Variants in TSGA10IP observed in about 807,000 individuals in gnomAD.
TSGA10IP encodes testis specific 10 interacting protein, also known as testis-specific protein 10-interacting protein.
In TSGA10IP, 64 loss-of-function variants were observed where a neutral mutation model predicts 63.2. The ratio of observed to expected loss-of-function variants is 1.01; its 90% confidence interval spans 0.83 to 1.25. The LOEUF (loss-of-function observed/expected upper bound fraction) is 1.25. TSGA10IP is among the 50% of genes most tolerant of loss of function. The pLI is 0.00. For missense variants in TSGA10IP, 681 were observed against 710.1 expected (o/e 0.96, Z 0.47); for synonymous variants, 316 against 298.3 (o/e 1.06, Z -0.61).
chr11:65,949,246 C>G (rs954234909), intron 4 of TSGA10IP, among the ~76,000 whole-genome samples: 5 of 152,090 alleles, frequency 3.3e-5, no homozygotes, highest in Non-Finnish European at 7.4e-5. Context: ...AGACTGGAGG[C>G]TGTGAGGAGA....
At chr11:65,955,897 C>G (rs1855016006) in intron 5 of TSGA10IP, among the ~76,000 whole-genome samples, 1 of 152,202 alleles carries the variant, frequency 6.6e-6, no homozygotes, top group Non-Finnish European at 1.5e-5. Context: ...AGACGAAAGG[C>G]ACCAGGACCT....
intron 5 of TSGA10IP, among the ~76,000 whole-genome samples, chr11:65,956,167 C>T (rs140057489): frequency 0.029 from 4,053 of 139,520 alleles, 207 homozygotes; most frequent in African/African-American, 0.11. Context: ...GACAGAGTTT[C>T]GCTCTTGTTG....
At chr11:65,948,191 A>G (rs1444637357) in intron 4 of TSGA10IP, 43 bp downstream of exon 4, 12 of 1,567,704 alleles carry the variant, frequency 7.7e-6, no homozygotes, top group Non-Finnish European at 1.0e-5. Flanking sequence ...AATGAGAAGT[A>G]GAGATGGAGC....
At chr11:65,953,695 G>C (rs1427848934) in exon 5 of TSGA10IP, 1 of 1,581,384 alleles carries the variant, frequency 6.3e-7, no homozygotes, top group East Asian at 2.3e-5. Context: ...CCCAGAGGGA[G>C]CCGGGGCCCT....
At chr11:65,951,903 G>A (rs1447756889) in intron 4 of TSGA10IP, among the ~76,000 whole-genome samples, 2 of 150,562 alleles carry the variant, frequency 1.3e-5, no homozygotes, top group Non-Finnish European at 2.9e-5. Context: ...AGGATGGAGT[G>A]CAGTGGCATA....
rs115383949 is a variant in TSGA10IP at position 65,955,473 on chromosome 11, C to T, written c.1322+1736C>T. 7.1e-3 allele frequency among the ~76,000 whole-genome samples: 1,075 copies of T among 152,088 alleles called. 11 individuals are homozygous for T. Among genetic ancestry groups the T allele is most frequent in the African/African-American group, 0.024 (1,016 of 41,480 alleles). ...AATATATATACAAAAATTAGCTGGGCGTAGTGGCGCGCGACTGTAGTCCCA... is the reference window on the plus strand; with the variant it reads ...AATATATATACAAAAATTAGCTGGGTGTAGTGGCGCGCGACTGTAGTCCCA... On this transcript the variant is annotated intron_variant, in intron 5 of 7. Coordinates refer to ENST00000532620, the Ensembl canonical transcript of TSGA10IP.
intron 4 of TSGA10IP, among the ~76,000 whole-genome samples, chr11:65,949,704 T>G (rs1854910129): frequency 6.7e-6 from 1 of 150,144 alleles, no homozygotes; most frequent in East Asian, 2.0e-4. Flanking sequence ...CATGAGCCAC[T>G]GCGCCCAGCC....
At position 65,956,919 on chromosome 11, in the gene TSGA10IP, T is replaced by C. The variant is rs1855034135; in HGVS notation, c.1323-1964T>C. ...AAAAAGAGTGATTCAACCTCACTCC[T>C]TTTACTTTCTATTTGAGAGGGCTAA... On this transcript the variant is annotated intron_variant, in intron 5 of 7. Coordinates refer to ENST00000532620, the Ensembl canonical transcript of TSGA10IP. Among the ~76,000 whole-genome samples the C allele has an allele frequency of 2.0e-5, 3 of 152,292 alleles. No homozygotes were observed. In the South Asian group the frequency reaches 6.2e-4, roughly 32 times the overall value.
At chr11:65,949,374 G>A (rs896081798) in intron 4 of TSGA10IP, among the ~76,000 whole-genome samples, 1 of 151,950 alleles carries the variant, frequency 6.6e-6, no homozygotes, top group Non-Finnish European at 1.5e-5. Context: ...CAGGAGGCAT[G>A]TGAGGGCAGG....
intron 4 of TSGA10IP, among the ~76,000 whole-genome samples, chr11:65,952,112 C>T (rs1854953713): frequency 6.6e-6 from 1 of 152,162 alleles, no homozygotes; most frequent in South Asian, 2.1e-4. Context: ...CCTTGGCCTC[C>T]CAAAGTGCTG....
chr11:65,950,394 T>A (rs1032100307), intron 4 of TSGA10IP, among the ~76,000 whole-genome samples: 4 of 151,762 alleles, frequency 2.6e-5, no homozygotes, highest in Non-Finnish European at 4.4e-5. Context: ...TTGACTTTAT[T>A]TATTTATTTA....
At chr11:65,950,411 T>C (rs1854924034) in intron 4 of TSGA10IP, among the ~76,000 whole-genome samples, 1 of 152,000 alleles carries the variant, frequency 6.6e-6, no homozygotes, top group African/African-American at 2.4e-5. Flanking sequence ...TTTATTTATT[T>C]AGAGACAGGG....
rs1565305405 is a variant in TSGA10IP at position 65,947,363 on chromosome 11, G to GGT, written c.541_542dup (p.Ile183ProfsTer9). 2.5e-6 allele frequency: 4 copies of GGT among 1,611,706 alleles called. No homozygotes were observed. The highest frequency in any genetic ancestry group is 2.2e-5 in the South Asian group (2 of 90,768). On this transcript the variant is annotated frameshift_variant, in exon 3 of 8. Transcript: ENST00000532620. LOFTEE classifies it high-confidence loss of function. ...GAGACAGCAGCTGGGAGCCTGGGGC[G>GGT]GTGTCTCCATCCCTACTGGCAAAGG... is the stretch of plus-strand genomic sequence containing the variant.
chr11:65,958,771 G>C (rs1855066507), intron 5 of TSGA10IP, 112 bp from the exon 6 acceptor site: 4 of 816,168 alleles, frequency 4.9e-6, no homozygotes, highest in Non-Finnish European at 7.8e-6. Flanking sequence ...GCTTTGTAAA[G>C]GTGAGGGTGA....
At chr11:65,959,930 G>A (rs756544399) in exon 8 of TSGA10IP, 10 of 1,613,384 alleles carry the variant, frequency 6.2e-6, no homozygotes, top group South Asian at 4.4e-5. Flanking sequence ...GACCCGGAGT[G>A]CAGTCCCTGA....
At chr11:65,955,581 C>G (rs529073443) in intron 5 of TSGA10IP, among the ~76,000 whole-genome samples, 1 of 151,912 alleles carries the variant, frequency 6.6e-6, no homozygotes, top group African/African-American at 2.4e-5. Context: ...CCATTGCACT[C>G]CAGCCTGGGT....
chr11:65,946,056 G>A (rs1385796616), intron 1 of TSGA10IP, among the ~76,000 whole-genome samples: 1 of 152,202 alleles, frequency 6.6e-6, no homozygotes, highest in Non-Finnish European at 1.5e-5. Flanking sequence ...GGAACACTGC[G>A]GAAGGAGCAG....
intron 5 of TSGA10IP, 33 bp downstream of exon 5, chr11:65,953,770 G>A (rs559322303): frequency 2.0e-6 from 3 of 1,474,184 alleles, no homozygotes; most frequent in South Asian, 1.4e-5. Flanking sequence ...GGCCTGGTTG[G>A]GAGAGGGCAG....
intron 4 of TSGA10IP, 137 bp from the exon 5 acceptor site, chr11:65,953,430 C>T: frequency 6.5e-6 from 8 of 1,221,800 alleles, no homozygotes; most frequent in African/African-American, 1.6e-5. Context: ...CCATGACAAA[C>T]CCTACTCCCA....
Sources: allele counts gnomAD v4.1 joint callset (sites outside exome capture counted in the v4.1 genomes callset), GRCh38; gene constraint gnomAD v4.1.1; transcripts MANE v1.5; gene names NCBI Gene and HGNC (gene_info 2026-07-23, HGNC 2026-07-21).